NXPH1: variants seen among roughly 807,000 people sequenced by gnomAD.
The protein encoded by NXPH1 is neurexophilin 1, also known as neurexophilin-1.
NXPH1 carries 5 observed loss-of-function variants against 23.7 expected under a neutral mutation model. The observed-to-expected ratio is 0.21, with a 90% CI of 0.11 to 0.44. NXPH1 has a LOEUF of 0.44. Among genes scored for constraint, NXPH1 ranks in the 20% least tolerant of loss-of-function variants. The probability of loss-of-function intolerance (pLI) is 0.99; values close to 1 mark genes in which losing one functional copy is unlikely to be tolerated. For synonymous variants in NXPH1, 144 were observed against 122.2 expected (o/e 1.18, Z -1.18); for missense variants, 324 against 321.6 (o/e 1.01, Z -0.06).
At chr7:8,647,826 C>A (rs376674567) in intron 2 of NXPH1, among the ~76,000 whole-genome samples, 12 of 150,602 alleles carry the variant, frequency 8.0e-5, no homozygotes, top group Admixed American at 5.3e-4. Context: ...AGTAATTTGG[C>A]CATTTTATCC....
intron 2 of NXPH1, among the ~76,000 whole-genome samples, chr7:8,667,512 T>C (rs1820791730): frequency 6.6e-6 from 1 of 152,038 alleles, no homozygotes; most frequent in Admixed American, 6.5e-5. Flanking sequence ...CCATCCATTA[T>C]CTATTGGCCT....
intron 2 of NXPH1, among the ~76,000 whole-genome samples, chr7:8,718,956 C>T (rs930891215): frequency 6.6e-6 from 1 of 152,164 alleles, no homozygotes; most frequent in Admixed American, 6.5e-5. Context: ...ACTCATATGC[C>T]ATCAACCCAG....
chr7:8,545,268 G>A (rs1467703013), intron 2 of NXPH1, among the ~76,000 whole-genome samples: 1 of 151,534 alleles, frequency 6.6e-6, no homozygotes, highest in East Asian at 2.0e-4. Context: ...TCTACTCTTG[G>A]GATCATTTTT....
chr7:8,530,917 G>C (rs527812587), intron 2 of NXPH1, among the ~76,000 whole-genome samples: 12 of 152,166 alleles, frequency 7.9e-5, no homozygotes, highest in Admixed American at 3.9e-4. Flanking sequence ...TTGAGGTTCA[G>C]TTAGCAATGA....
At chr7:8,449,984 G>A (rs1007651549) in intron 2 of NXPH1, among the ~76,000 whole-genome samples, 1 of 152,174 alleles carries the variant, frequency 6.6e-6, no homozygotes, top group Non-Finnish European at 1.5e-5. Context: ...AGCATTTTAG[G>A]AAGTCTGCAT....
intron 2 of NXPH1, among the ~76,000 whole-genome samples, chr7:8,736,838 A>T (rs1435646345): frequency 6.6e-6 from 1 of 152,092 alleles, no homozygotes; most frequent in African/African-American, 2.4e-5. Context: ...TATTTAGGAT[A>T]TTTAGCTCTG....
chr7:8,483,194 AGAT>A (rs1466351559), intron 2 of NXPH1, among the ~76,000 whole-genome samples: 1 of 152,196 alleles, frequency 6.6e-6, no homozygotes, highest in Non-Finnish European at 1.5e-5. Flanking sequence ...ATTGGGAATC[AGAT>A]TTTTGTTTCT....
At chr7:8,443,962 G>C (rs1019361913) in intron 2 of NXPH1, among the ~76,000 whole-genome samples, 25 of 152,138 alleles carry the variant, frequency 1.6e-4, no homozygotes, top group Non-Finnish European at 1.6e-4. Context: ...TCCCCTGGGG[G>C]CTGTCTGCAC....
chr7:8,511,517 C>T (rs1817611716), intron 2 of NXPH1, among the ~76,000 whole-genome samples: 1 of 152,118 alleles, frequency 6.6e-6, no homozygotes, highest in African/African-American at 2.4e-5. Context: ...CCTCATTCAA[C>T]TAGAGACCTT....
intron 2 of NXPH1, among the ~76,000 whole-genome samples, chr7:8,447,952 C>G (rs150468028): frequency 2.1e-4 from 32 of 152,326 alleles, no homozygotes; most frequent in African/African-American, 7.7e-4. Flanking sequence ...CAGGTGTCAA[C>G]ACTGAATTCA....
chr7:8,506,970 CATG>C (rs1175530450), intron 2 of NXPH1, among the ~76,000 whole-genome samples: 3 of 149,302 alleles, frequency 2.0e-5, no homozygotes, highest in East Asian at 1.9e-4. Context: ...ATGGGTGTGA[CATG>C]ATCAGATTTG....
intron 2 of NXPH1, among the ~76,000 whole-genome samples, chr7:8,518,938 C>T (rs943525235): frequency 2.0e-5 from 3 of 151,838 alleles, no homozygotes; most frequent in Non-Finnish European, 4.4e-5. Flanking sequence ...TTTTTCTCCC[C>T]AAAGGCTGGA....
chr7:8,659,053 C>T lies in NXPH1; in HGVS notation c.55-91955C>T, dbSNP rs1268881236. On this transcript the variant is annotated intron_variant, in intron 2 of 2. Coordinates refer to ENST00000405863, the MANE Select transcript of NXPH1 (RefSeq NM_152745.3). ...CAGAAAAAGTATAAGGTGAATGCCCCAGCAAATGGGTTTGTTTCATGTATC... is the reference window on the plus strand; with the variant it reads ...CAGAAAAAGTATAAGGTGAATGCCCTAGCAAATGGGTTTGTTTCATGTATC... Among the ~76,000 whole-genome samples, 7 of 21,630 alleles carry T rather than the reference C, an allele frequency of 3.2e-4. 3 individuals carry two copies. Among genetic ancestry groups the T allele is most frequent in the African/African-American group, 6.2e-4 (7 of 11,358 alleles). The allele number at this position is 21,630 out of a possible 152,430, so 14.2% of individuals were successfully genotyped here.
At position 8,655,567 on chromosome 7, in the gene NXPH1, CATGT is replaced by C. The variant is rs1272912466; in HGVS notation, c.55-95440_55-95437del. On this transcript the variant is annotated intron_variant, in intron 2 of 2. Coordinates refer to ENST00000405863, the MANE Select transcript of NXPH1 (RefSeq NM_152745.3). ...CCTTTTTCATCTCAATGTGTAAATGCATGTGTGTGTGTGTGTGTGTGTGTGTATG... is the reference window on the plus strand; with the variant it reads ...CCTTTTTCATCTCAATGTGTAAATGCGTGTGTGTGTGTGTGTGTGTGTATG... 6.9e-5 allele frequency among the ~76,000 whole-genome samples: 5 copies of C among 71,988 alleles called. 1 individual carries two copies. Among genetic ancestry groups the C allele is most frequent in the Admixed American group, 3.8e-4 (2 of 5,262 alleles). The allele number at this position is 71,988 out of a possible 152,430, so 47.2% of individuals were successfully genotyped here. A position where few individuals can be genotyped will look rare whatever the true frequency, so the allele number is the denominator to read the frequency against.
At chr7:8,460,203 C>G (rs1325238856) in intron 2 of NXPH1, among the ~76,000 whole-genome samples, 1 of 151,962 alleles carries the variant, frequency 6.6e-6, no homozygotes, top group Non-Finnish European at 1.5e-5. Context: ...AAAATTTGTG[C>G]TTGCTTAAGC....
intron 2 of NXPH1, among the ~76,000 whole-genome samples, chr7:8,539,347 G>A (rs1818074828): frequency 6.6e-6 from 1 of 151,808 alleles, no homozygotes; most frequent in African/African-American, 2.4e-5. Context: ...AGGACATGGG[G>A]AGTTAGAGGT....
At chr7:8,595,319 G>A (rs971646485) in intron 2 of NXPH1, among the ~76,000 whole-genome samples, 5 of 151,984 alleles carry the variant, frequency 3.3e-5, no homozygotes, top group Admixed American at 1.3e-4. Context: ...AAGAAGTCAT[G>A]TAATGAATTT....
intron 2 of NXPH1, among the ~76,000 whole-genome samples, chr7:8,476,665 G>A (rs190668186): frequency 2.0e-3 from 295 of 151,166 alleles, no homozygotes; most frequent in Middle Eastern, 6.8e-3. Flanking sequence ...TTCTACCTTA[G>A]CTATGAAGTA....
At chr7:8,678,049 T>C (rs1820980432) in intron 2 of NXPH1, among the ~76,000 whole-genome samples, 1 of 152,038 alleles carries the variant, frequency 6.6e-6, no homozygotes, top group Non-Finnish European at 1.5e-5. Flanking sequence ...GAAGAATAAT[T>C]AGGATTAGTT....
Sources: allele counts gnomAD v4.1 joint callset (sites outside exome capture counted in the v4.1 genomes callset), GRCh38; gene constraint gnomAD v4.1.1; transcripts MANE v1.5; gene names NCBI Gene and HGNC (gene_info 2026-07-23, HGNC 2026-07-21).